The following ACOXL variants were observed in gnomAD, a reference collection of about 807,000 sequenced individuals.
The protein encoded by ACOXL is acyl-CoA oxidase like.
ACOXL carries 70 observed loss-of-function variants against 71.9 expected under a neutral mutation model. That is an observed-to-expected ratio of 0.97 (90% confidence interval 0.80 to 1.19). The LOEUF (loss-of-function observed/expected upper bound fraction) is 1.19. Among genes scored for constraint, ACOXL ranks in the 50% most tolerant of loss-of-function variants. ACOXL has a pLI of 0.00. For synonymous variants in ACOXL, 253 were observed against 281.6 expected (o/e 0.90, Z 1.02); for missense variants, 703 against 736.3 (o/e 0.95, Z 0.52).
intron 10 of ACOXL, among the ~76,000 whole-genome samples, chr2:110,846,447 A>G (rs1691843748): frequency 6.6e-6 from 1 of 152,170 alleles, no homozygotes; most frequent in Non-Finnish European, 1.5e-5. Context: ...TGCTGCAGAC[A>G]CAGAGGGGGC....
At chr2:110,893,715 T>G (rs2058885833) in intron 10 of ACOXL, among the ~76,000 whole-genome samples, 1 of 152,194 alleles carries the variant, frequency 6.6e-6, no homozygotes, top group South Asian at 2.1e-4. Flanking sequence ...GATATATACC[T>G]CTTCATGATA....
intron 12 of ACOXL, chr2:110,963,795 CCTT>C: frequency 1.9e-6 from 3 of 1,560,556 alleles, no homozygotes; most frequent in Non-Finnish European, 1.7e-6. Flanking sequence ...TATCTGATTG[CCTT>C]CTTTAATTGG....
At chr2:110,977,318 A>G (rs893880476) in intron 12 of ACOXL, among the ~76,000 whole-genome samples, 1 of 151,818 alleles carries the variant, frequency 6.6e-6, no homozygotes, top group African/African-American at 2.4e-5. Flanking sequence ...CCCGGGAGGC[A>G]GAGCTTGCAG....
At chr2:110,991,566 CATTAG>C (rs139277476) in intron 13 of ACOXL, among the ~76,000 whole-genome samples, 20,980 of 152,100 alleles carry the variant, frequency 0.14, 1,540 homozygotes, top group East Asian at 0.23. Flanking sequence ...GGAAACTATT[CATTAG>C]AAAATAGAAT....
chr2:110,911,075 G>A (rs2059634503), intron 11 of ACOXL, among the ~76,000 whole-genome samples: 1 of 151,802 alleles, frequency 6.6e-6, no homozygotes, highest in Admixed American at 6.6e-5. Flanking sequence ...AAATAAAAAG[G>A]AATATAAGAG....
At chr2:111,104,019 G>C (rs933771018) in intron 17 of ACOXL, among the ~76,000 whole-genome samples, 1 of 152,098 alleles carries the variant, frequency 6.6e-6, no homozygotes. Flanking sequence ...TGACTACTAA[G>C]CTGTTCTCCA....
chr2:110,836,212 G>A (rs138824645), intron 9 of ACOXL, among the ~76,000 whole-genome samples: 235 of 152,290 alleles, frequency 1.5e-3, no homozygotes, highest in African/African-American at 5.6e-3. Flanking sequence ...GGCTGTTGGG[G>A]GTAGTGTGCT....
At chr2:110,834,747 G>T (rs545189668) in intron 9 of ACOXL, among the ~76,000 whole-genome samples, 2 of 152,344 alleles carry the variant, frequency 1.3e-5, no homozygotes, top group African/African-American at 4.8e-5. Flanking sequence ...AGCAGAGGTG[G>T]TTCTCTGACC....
intron 14 of ACOXL, among the ~76,000 whole-genome samples, chr2:110,996,445 A>G (rs964081024): frequency 6.6e-6 from 1 of 152,096 alleles, no homozygotes; most frequent in African/African-American, 2.4e-5. Context: ...AAAGCATAAA[A>G]CCTTGTGTCA....
intron 13 of ACOXL, among the ~76,000 whole-genome samples, chr2:110,989,674 G>C (rs1487812287): frequency 6.6e-6 from 1 of 152,184 alleles, no homozygotes; most frequent in South Asian, 2.1e-4. Context: ...AGATGAAAAC[G>C]TTGTGGAGAT....
intron 10 of ACOXL, among the ~76,000 whole-genome samples, chr2:110,881,194 C>T (rs1455832735): frequency 6.6e-6 from 1 of 151,408 alleles, no homozygotes; most frequent in Non-Finnish European, 1.5e-5. Flanking sequence ...TTACATATCA[C>T]ATACATATCA....
At chr2:111,051,477 A>G (rs1233815924) in intron 16 of ACOXL, among the ~76,000 whole-genome samples, 1 of 152,118 alleles carries the variant, frequency 6.6e-6, no homozygotes, top group Non-Finnish European at 1.5e-5. Context: ...AATATGATAT[A>G]TATTTTTTTG....
In ACOXL at chr2:110,966,835, A is replaced by G. The variant is rs549988253; in HGVS notation, c.1060-20273A>G. Among the ~76,000 whole-genome samples, 46 of 152,260 alleles carry G rather than the reference A, an allele frequency of 3.0e-4. 1 individual carries two copies. The highest frequency in any genetic ancestry group is 1.0e-3 in the African/African-American group (42 of 41,528). The stretch of plus-strand genomic sequence containing the variant: ...CTAGAGGGAACAGAACTTGCCCCCA[A>G]CCTGTCTCCAACAAGGCAATGTGCA... On this transcript the variant is annotated intron_variant, in intron 12 of 17. Coordinates refer to ENST00000439055, the MANE Select transcript of ACOXL (RefSeq NM_001142807.4).
chr2:111,048,369 C>T (rs1405527668), intron 15 of ACOXL, among the ~76,000 whole-genome samples: 2 of 152,204 alleles, frequency 1.3e-5, no homozygotes, highest in Non-Finnish European at 2.9e-5. Context: ...AAAGGCTAAA[C>T]TAGTTGGGTT....
intron 1 of ACOXL, among the ~76,000 whole-genome samples, chr2:110,739,592 C>T (rs758952282): frequency 6.6e-6 from 1 of 152,256 alleles, no homozygotes; most frequent in African/African-American, 2.4e-5. Context: ...GGGTCTCCTA[C>T]TGGCTCCAGT....
chr2:111,049,431 T>C (rs772456403), intron 16 of ACOXL, 143 bp downstream of exon 16: 2 of 672,516 alleles, frequency 3.0e-6, no homozygotes, highest in Non-Finnish European at 2.5e-6. Flanking sequence ...CATAGGCGAA[T>C]TGGAGGGTTG....
chr2:110,851,180 G>A (rs1195867603), intron 10 of ACOXL, among the ~76,000 whole-genome samples: 1 of 152,146 alleles, frequency 6.6e-6, no homozygotes, highest in African/African-American at 2.4e-5. Flanking sequence ...TCTTGATTGT[G>A]GTGGTGACAC....
intron 16 of ACOXL, among the ~76,000 whole-genome samples, chr2:111,068,308 G>A (rs1306144877): frequency 6.6e-6 from 1 of 152,220 alleles, no homozygotes; most frequent in Non-Finnish European, 1.5e-5. Flanking sequence ...GAGCACGGGG[G>A]CGTGACCTGG....
chr2:110,772,381 G>A (rs751646390), intron 2 of ACOXL, among the ~76,000 whole-genome samples: 6 of 152,068 alleles, frequency 3.9e-5, no homozygotes, highest in African/African-American at 1.4e-4. Flanking sequence ...CTGGGGTTGC[G>A]GACTGCTGCA....
Sources: allele counts gnomAD v4.1 joint callset (sites outside exome capture counted in the v4.1 genomes callset), GRCh38; gene constraint gnomAD v4.1.1; transcripts MANE v1.5; gene names NCBI Gene and HGNC (gene_info 2026-07-23, HGNC 2026-07-21).